BNC2: variants seen among roughly 807,000 people sequenced by gnomAD.
BNC2 encodes the protein zinc finger protein basonuclin-2.
Under a neutral mutation model 76.3 loss-of-function variants are expected in BNC2, and 20 were observed. The observed-to-expected ratio is 0.26, with a 90% CI of 0.18 to 0.38. BNC2 has a LOEUF of 0.38. Ranked by LOEUF, BNC2 falls within the 10% of genes least tolerant of loss-of-function variation. The probability of loss-of-function intolerance (pLI) is 1.00; values close to 1 mark genes in which losing one functional copy is unlikely to be tolerated. For synonymous variants in BNC2, 582 were observed against 514.8 expected (o/e 1.13, Z -1.77); for missense variants, 1,382 against 1,399.8 (o/e 0.99, Z 0.20).
intron 6 of BNC2, chr9:16,431,316 C>A: frequency 3.7e-6 from 1 of 268,546 alleles, no homozygotes; most frequent in Non-Finnish European, 8.4e-6. Context: ...GGCTTCCCTT[C>A]AAAATGGGTG....
intron 5 of BNC2, among the ~76,000 whole-genome samples, chr9:16,540,764 C>G (rs67498978): frequency 0.083 from 12,682 of 152,234 alleles, 695 homozygotes; most frequent in Non-Finnish European, 0.13. Context: ...ATTTACCCCC[C>G]TAATAAGAGC....
At chr9:16,644,811 T>C (rs907480124) in intron 3 of BNC2, among the ~76,000 whole-genome samples, 14 of 152,220 alleles carry the variant, frequency 9.2e-5, no homozygotes, top group Non-Finnish European at 2.1e-4. Context: ...AGCTGCTGCC[T>C]TGTGCAGGTT....
chr9:16,594,082 T>C (rs1820003283), intron 3 of BNC2, among the ~76,000 whole-genome samples: 1 of 152,120 alleles, frequency 6.6e-6, no homozygotes, highest in Non-Finnish European at 1.5e-5. Context: ...AGAGAAGACA[T>C]TAATAAGGAC....
At chr9:16,765,583 G>A (rs1436618824) in intron 1 of BNC2, among the ~76,000 whole-genome samples, 1 of 152,108 alleles carries the variant, frequency 6.6e-6, no homozygotes, top group Non-Finnish European at 1.5e-5. Flanking sequence ...CAGAGTCACA[G>A]AATCACCACC....
intron 5 of BNC2, among the ~76,000 whole-genome samples, chr9:16,545,851 G>C (rs955297441): frequency 6.6e-6 from 1 of 152,138 alleles, no homozygotes; most frequent in Admixed American, 6.5e-5. Flanking sequence ...TACGATCCGA[G>C]AAAATGGCAG....
intron 3 of BNC2, among the ~76,000 whole-genome samples, chr9:16,647,595 G>A (rs1821671995): frequency 1.3e-5 from 2 of 152,138 alleles, no homozygotes; most frequent in Admixed American, 6.5e-5. Context: ...ACTTTATGAA[G>A]AAGCTTGATC....
intron 5 of BNC2, among the ~76,000 whole-genome samples, chr9:16,474,606 A>G (rs1000833337): frequency 2.0e-5 from 3 of 152,194 alleles, no homozygotes; most frequent in Non-Finnish European, 4.4e-5. Context: ...TAATACACAT[A>G]CTGAGAATAA....
chr9:16,627,743 A>G (rs950962244), intron 3 of BNC2, among the ~76,000 whole-genome samples: 7 of 152,218 alleles, frequency 4.6e-5, no homozygotes, highest in African/African-American at 1.7e-4. Flanking sequence ...AGTTCACTCC[A>G]GTTAAAGTTC....
chr9:16,833,090 G>C (rs111749438), intron 1 of BNC2, among the ~76,000 whole-genome samples: 1 of 151,570 alleles, frequency 6.6e-6, no homozygotes. Context: ...CCAATGTTGC[G>C]TTTATTTGTA....
intron 5 of BNC2, among the ~76,000 whole-genome samples, chr9:16,531,555 T>C (rs1817976376): frequency 6.6e-6 from 1 of 151,968 alleles, no homozygotes; most frequent in Non-Finnish European, 1.5e-5. Context: ...CACAGAGTTA[T>C]CAGTAGGTTC....
intron 5 of BNC2, among the ~76,000 whole-genome samples, chr9:16,440,626 T>A (rs1036051558): frequency 3.3e-5 from 5 of 152,214 alleles, no homozygotes; most frequent in Non-Finnish European, 7.3e-5. Context: ...CAGTCCCACC[T>A]GAGGCATCTC....
At chr9:16,780,250 AAAAAAAC>A (rs1563939973) in intron 1 of BNC2, among the ~76,000 whole-genome samples, 3 of 124,494 alleles carry the variant, frequency 2.4e-5, no homozygotes, top group African/African-American at 1.2e-4. Context: ...AAAAAAAAAA[AAAAAAAC>A]AAAAAAAAAC....
At chr9:16,705,043 T>C (rs1180601182) in intron 3 of BNC2, 1 of 152,132 alleles carries the variant, frequency 6.6e-6, no homozygotes, top group African/African-American at 2.4e-5. Context: ...GCGAAACCCT[T>C]CTAAGTGACC....
At chr9:16,627,761 G>A (rs917397703) in intron 3 of BNC2, among the ~76,000 whole-genome samples, 21 of 152,048 alleles carry the variant, frequency 1.4e-4, no homozygotes, top group African/African-American at 4.8e-4. Context: ...TTCTTCACCC[G>A]TCATGGGCAT....
At chr9:16,790,817 C>CT (rs372342400) in intron 1 of BNC2, among the ~76,000 whole-genome samples, 16,810 of 128,774 alleles carry the variant, frequency 0.13, 2,323 homozygotes, top group African/African-American at 0.33. Context: ...CCTTGGTAAG[C>CT]TTTTTTTTTT....
intron 5 of BNC2, among the ~76,000 whole-genome samples, chr9:16,472,340 G>C (rs1355051655): frequency 6.6e-6 from 1 of 152,128 alleles, no homozygotes; most frequent in African/African-American, 2.4e-5. Flanking sequence ...TAGAAAAGCT[G>C]GTAGTAAGCT....
At chr9:16,740,638 G>T (rs370792784) in intron 1 of BNC2, among the ~76,000 whole-genome samples, 1 of 152,138 alleles carries the variant, frequency 6.6e-6, no homozygotes, top group Non-Finnish European at 1.5e-5. Context: ...GAGAAACGTG[G>T]TCTGAAAAGT....
chr9:16,866,406 AAAG>A (rs1291295335), intron 1 of BNC2, among the ~76,000 whole-genome samples: 2 of 152,056 alleles, frequency 1.3e-5, no homozygotes, highest in Non-Finnish European at 2.9e-5. Flanking sequence ...TCATAAACTA[AAAG>A]AAGTTAACCC....
intron 2 of BNC2, among the ~76,000 whole-genome samples, chr9:16,731,832 C>T (rs964927305): frequency 6.6e-6 from 1 of 152,018 alleles, no homozygotes; most frequent in African/African-American, 2.4e-5. Flanking sequence ...TATTCTAAAC[C>T]TGTGCTATAG....
Sources: gnomAD v4.1 joint callset for allele counts (sites outside exome capture counted in the v4.1 genomes callset) on GRCh38, gnomAD v4.1.1 for gene constraint, MANE v1.5 for transcripts, NCBI Gene and HGNC (gene_info 2026-07-23, HGNC 2026-07-21) for gene names.